Variants in MKLN1 observed in about 807,000 individuals in gnomAD.
MKLN1 encodes the protein muskelin.
MKLN1 carries 18 observed loss-of-function variants against 99.0 expected under a neutral mutation model. The observed-to-expected ratio is 0.18, with a 90% CI of 0.13 to 0.27. The LOEUF (loss-of-function observed/expected upper bound fraction) is 0.27, where lower values mean the gene tolerates loss of function less well. Ranked by LOEUF, MKLN1 falls within the 10% of genes least tolerant of loss-of-function variation. The pLI is 1.00. For synonymous variants in MKLN1, 288 were observed against 293.2 expected (o/e 0.98, Z 0.18); for missense variants, 621 against 875.9 (o/e 0.71, Z 3.67).
At chr7:131,320,098 C>G (rs1355682250) in intron 3 of MKLN1, among the ~76,000 whole-genome samples, 1 of 152,046 alleles carries the variant, frequency 6.6e-6, no homozygotes, top group South Asian at 2.1e-4. Context: ...AATATGGAAC[C>G]AAGAAAGAGC....
intron 1 of MKLN1, among the ~76,000 whole-genome samples, chr7:131,123,667 A>C (rs1285077852): frequency 2.0e-5 from 3 of 152,180 alleles, no homozygotes; most frequent in Admixed American, 2.0e-4. Flanking sequence ...AGGCACCTGT[A>C]ATCCCAGCTA....
chr7:131,346,102 A>G (rs1280856231), intron 1 of MKLN1, among the ~76,000 whole-genome samples: 1 of 152,266 alleles, frequency 6.6e-6, no homozygotes, highest in African/African-American at 2.4e-5. Flanking sequence ...GGGGAAGTTT[A>G]AGGAGAAACC....
intron 1 of MKLN1, among the ~76,000 whole-genome samples, chr7:131,128,303 T>C (rs1211198084): frequency 1.3e-5 from 2 of 151,864 alleles, no homozygotes; most frequent in African/African-American, 2.4e-5. Flanking sequence ...ATGTGAAAAG[T>C]GACCCATATA....
At chr7:131,264,673 A>T (rs1264524575) in intron 3 of MKLN1, among the ~76,000 whole-genome samples, 1 of 151,280 alleles carries the variant, frequency 6.6e-6, no homozygotes, top group Non-Finnish European at 1.5e-5. Flanking sequence ...TTTAGTTATT[A>T]TTGCTTATTC....
At chr7:131,390,406 C>T (rs1794164101) in intron 4 of MKLN1, among the ~76,000 whole-genome samples, 1 of 152,030 alleles carries the variant, frequency 6.6e-6, no homozygotes, top group Admixed American at 6.6e-5. Flanking sequence ...ATAGCTTTAA[C>T]AATTTTATGA....
intron 3 of MKLN1, among the ~76,000 whole-genome samples, chr7:131,293,080 G>A (rs1198860761): frequency 1.3e-5 from 2 of 152,226 alleles, no homozygotes; most frequent in African/African-American, 2.4e-5. Flanking sequence ...TGCAGTTGAA[G>A]TGACAGAGTG....
At chr7:131,235,884 T>A (rs1043825755) in intron 3 of MKLN1, among the ~76,000 whole-genome samples, 1 of 152,216 alleles carries the variant, frequency 6.6e-6, no homozygotes, top group Non-Finnish European at 1.5e-5. Context: ...AGCCACAAGC[T>A]AACAGGTCTA....
At chr7:131,283,858 G>A (rs73153450) in intron 3 of MKLN1, among the ~76,000 whole-genome samples, 8,407 of 152,272 alleles carry the variant, frequency 0.055, 296 homozygotes, top group Non-Finnish European at 0.076. Context: ...GTTTAAACCT[G>A]TATGTAAATA....
intron 3 of MKLN1, among the ~76,000 whole-genome samples, chr7:131,226,580 G>A (rs1250028344): frequency 1.3e-5 from 2 of 152,150 alleles, no homozygotes; most frequent in East Asian, 3.8e-4. Flanking sequence ...CTTCTGAACA[G>A]GAAGGAAATG....
intron 3 of MKLN1, among the ~76,000 whole-genome samples, chr7:131,210,327 T>G (rs947432374): frequency 6.6e-6 from 1 of 152,034 alleles, no homozygotes; most frequent in Non-Finnish European, 1.5e-5. Flanking sequence ...GCTCAGGAGT[T>G]TGAGAACAGC....
At chr7:131,170,394 G>A (rs1796198843) in intron 2 of MKLN1, among the ~76,000 whole-genome samples, 1 of 152,150 alleles carries the variant, frequency 6.6e-6, no homozygotes, top group African/African-American at 2.4e-5. Flanking sequence ...TCTCTGTGAT[G>A]CTGAGAAAAT....
intron 12 of MKLN1, among the ~76,000 whole-genome samples, chr7:131,458,988 T>A (rs565105584): frequency 6.6e-6 from 1 of 152,216 alleles, no homozygotes; most frequent in Non-Finnish European, 1.5e-5. Context: ...GCATAACAAA[T>A]TGATTTAATC....
chr7:131,236,885 G>A (rs1196294685), intron 3 of MKLN1, among the ~76,000 whole-genome samples: 1 of 152,046 alleles, frequency 6.6e-6, no homozygotes, highest in African/African-American at 2.4e-5. Context: ...TACTCAGGAG[G>A]CCTAGATGGG....
chr7:131,259,091 T>C (rs551062365), intron 3 of MKLN1, among the ~76,000 whole-genome samples: 1 of 152,270 alleles, frequency 6.6e-6, no homozygotes, highest in South Asian at 2.1e-4. Flanking sequence ...CTCCACTCTT[T>C]TGAACTTTCT....
chr7:131,260,576 A>G (rs1190927135), intron 3 of MKLN1, among the ~76,000 whole-genome samples: 1 of 152,226 alleles, frequency 6.6e-6, no homozygotes, highest in East Asian at 1.9e-4. Flanking sequence ...TGCTATTCCT[A>G]TCATTCTTCA....
chr7:131,368,252 A>T (rs1266985645), intron 1 of MKLN1, among the ~76,000 whole-genome samples: 1 of 152,164 alleles, frequency 6.6e-6, no homozygotes, highest in Non-Finnish European at 1.5e-5. Context: ...TTGAAATAAG[A>T]TCCATTATTT....
At chr7:131,300,439 T>C (rs963192437) in intron 3 of MKLN1, among the ~76,000 whole-genome samples, 1 of 150,280 alleles carries the variant, frequency 6.7e-6, no homozygotes, top group Admixed American at 6.7e-5. Context: ...CCAGCACTTT[T>C]GGAGGCCGAG....
At chr7:131,240,796 A>G (rs1266747283) in intron 3 of MKLN1, among the ~76,000 whole-genome samples, 2 of 152,254 alleles carry the variant, frequency 1.3e-5, no homozygotes, top group Non-Finnish European at 2.9e-5. Flanking sequence ...TCGTTAAAGA[A>G]CTAGCTAAAA....
chr7:131,164,100 C>T, intron 2 of MKLN1, among the ~76,000 whole-genome samples: 1 of 152,126 alleles, frequency 6.6e-6, no homozygotes, highest in East Asian at 1.9e-4. Context: ...AATAGACTTA[C>T]TTGCTTTGTT....
Sources: gnomAD v4.1 joint callset for allele counts (sites outside exome capture counted in the v4.1 genomes callset) on GRCh38, gnomAD v4.1.1 for gene constraint, MANE v1.5 for transcripts, NCBI Gene and HGNC (gene_info 2026-07-23, HGNC 2026-07-21) for gene names.